XPO1: variants seen among roughly 807,000 people sequenced by gnomAD.
XPO1 encodes exportin 1, also known as exportin-1.
A neutral mutation model predicts 133.3 loss-of-function variants in XPO1; 5 were observed. The observed-to-expected ratio is 0.04, with a 90% CI of 0.02 to 0.08. The LOEUF (loss-of-function observed/expected upper bound fraction) is 0.08. XPO1 is among the 10% of genes least tolerant of loss of function. The probability of loss-of-function intolerance (pLI) is 1.00; values close to 1 mark genes in which losing one functional copy is unlikely to be tolerated. For missense variants in XPO1, 506 were observed against 1,267.5 expected (o/e 0.40, Z 9.12); for synonymous variants, 419 against 408.2 (o/e 1.03, Z -0.32).
intron 2 of XPO1, among the ~76,000 whole-genome samples, chr2:61,533,315 GGTTTAT>G (rs766382537): frequency 3.3e-5 from 5 of 152,028 alleles, no homozygotes; most frequent in Non-Finnish European, 7.4e-5. Flanking sequence ...ATCAAAATTT[GGTTTAT>G]GTTTAAGATA....
chr2:61,496,118 CCTTTAAATTTTT>C (rs1356961660), intron 10 of XPO1, among the ~76,000 whole-genome samples: 2 of 152,238 alleles, frequency 1.3e-5, no homozygotes, highest in East Asian at 3.9e-4. Flanking sequence ...GCTATCACAG[CCTTTAAATTTTT>C]CTAGTATTTC....
intron 6 of XPO1, 100 bp downstream of exon 6, chr2:61,501,896 C>G (rs898186287): frequency 1.0e-6 from 1 of 993,066 alleles, no homozygotes; most frequent in African/African-American, 1.6e-5. Flanking sequence ...ATCACTACTT[C>G]TGCAAAATAT....
intron 6 of XPO1, among the ~76,000 whole-genome samples, chr2:61,501,767 G>C (rs202165930): frequency 7.9e-6 from 1 of 126,972 alleles, no homozygotes; most frequent in African/African-American, 3.0e-5. Flanking sequence ...GAATCCAACA[G>C]AGTCCAGTCC....
intron 4 of XPO1, 129 bp downstream of exon 4, chr2:61,522,482 G>T: frequency 1.3e-6 from 1 of 758,778 alleles, no homozygotes; most frequent in African/African-American, 1.8e-5. Flanking sequence ...TTTGCTTCAT[G>T]ATAAAAGCAA....
chr2:61,495,676 TTTA>T, intron 10 of XPO1, 63 bp from the exon 11 acceptor site: 5 of 1,410,348 alleles, frequency 3.5e-6, no homozygotes, highest in South Asian at 1.6e-5. Flanking sequence ...CACTTAATAT[TTTA>T]TTATTATTTT....
intron 3 of XPO1, among the ~76,000 whole-genome samples, chr2:61,523,913 A>G (rs1164423702): frequency 1.3e-5 from 2 of 152,224 alleles, no homozygotes; most frequent in Non-Finnish European, 2.9e-5. Flanking sequence ...CTTTCAAAAT[A>G]AAAACAAGGC....
intron 2 of XPO1, among the ~76,000 whole-genome samples, chr2:61,526,961 G>A (rs954144514): frequency 2.0e-5 from 3 of 152,082 alleles, no homozygotes; most frequent in Admixed American, 6.6e-5. Flanking sequence ...GCCTGCCTTG[G>A]CCTCCCAAAG....
intron 3 of XPO1, among the ~76,000 whole-genome samples, chr2:61,523,389 A>G (rs1287404979): frequency 6.6e-6 from 1 of 152,264 alleles, no homozygotes; most frequent in African/African-American, 2.4e-5. Flanking sequence ...AAAAAATTAA[A>G]AAACAGAGAT....
rs377698842 is a variant in XPO1, at chr2:61,502,211, T to C, written c.363+38A>G. 3.4e-5 allele frequency: 55 copies of C among 1,600,162 alleles called. 2 individuals carry two copies. The Middle Eastern group carries it at 6.7e-4, about 19-fold the overall frequency. ...TAGTCAGACTCAATATCTAAATGAT[T>C]TTATGCTCTCCCAATAAGCTCCAAA... On this transcript the variant is annotated intron_variant, in intron 5 of 24. Coordinates refer to ENST00000401558, the MANE Select transcript of XPO1 (RefSeq NM_003400.4).
At chr2:61,507,796 T>C (rs1697901023) in intron 4 of XPO1, among the ~76,000 whole-genome samples, 1 of 152,050 alleles carries the variant, frequency 6.6e-6, no homozygotes. Context: ...GAGAAGTGCT[T>C]AAACCTGGGA....
Position 61,497,019 on chromosome 2 carries a change from G to T in XPO1, c.760-12C>A, listed in dbSNP as rs189361552. The T allele has an allele frequency of 1.7e-4, 279 of 1,598,328 alleles. No individual in the cohort carries two copies. The African/African-American group carries it at 3.3e-3, about 19-fold the overall frequency. ...GGAACATTCAGGAACTATTTAAAAG[G>T]GGGGAGGGAACCATAAAATTAATTG... On this transcript the variant is annotated splice_polypyrimidine_tract_variant and intron_variant, in intron 9 of 24. Transcript: ENST00000401558.
At chr2:61,499,348 G>C (rs1034552447) in intron 7 of XPO1, among the ~76,000 whole-genome samples, 1 of 152,152 alleles carries the variant, frequency 6.6e-6, no homozygotes, top group African/African-American at 2.4e-5. Context: ...AGGAGGTGGG[G>C]GTTGTGGTGA....
intron 24 of XPO1, 55 bp from the exon 25 acceptor site, chr2:61,479,021 A>G: frequency 6.3e-7 from 1 of 1,575,262 alleles, no homozygotes. Context: ...TTGCAAAGAA[A>G]GAAATCATAG....
At chr2:61,488,872 C>T (rs1354961567) in intron 17 of XPO1, 101 bp from the exon 18 acceptor site, 17 of 1,286,140 alleles carry the variant, frequency 1.3e-5, no homozygotes, top group Admixed American at 2.2e-5. Flanking sequence ...GAGGCCGAGG[C>T]GGGCGGATGA....
intron 4 of XPO1, among the ~76,000 whole-genome samples, chr2:61,511,313 G>A (rs780397232): frequency 6.6e-6 from 1 of 152,162 alleles, no homozygotes; most frequent in Non-Finnish European, 1.5e-5. Context: ...TTTTAGTAGA[G>A]ATGGGGTTTC....
At chr2:61,505,584 A>T (rs1697764273) in intron 4 of XPO1, among the ~76,000 whole-genome samples, 1 of 151,582 alleles carries the variant, frequency 6.6e-6, no homozygotes, top group African/African-American at 2.4e-5. Flanking sequence ...TTTTTGAGAC[A>T]GAGCCTCACT....
intron 20 of XPO1, 40 bp downstream of exon 20, chr2:61,485,728 C>T (rs746028454): frequency 2.0e-6 from 3 of 1,522,758 alleles, no homozygotes; most frequent in South Asian, 1.2e-5. Context: ...TAAGGCTATC[C>T]TGCAGAATTT....
chr2:61,519,722 A>AAC (rs1477946394), intron 4 of XPO1, among the ~76,000 whole-genome samples: 39 of 144,582 alleles, frequency 2.7e-4, no homozygotes, highest in Non-Finnish European at 4.6e-4. Context: ...AAAAAAAAAA[A>AAC]ACACCACGTA....
intron 3 of XPO1, among the ~76,000 whole-genome samples, chr2:61,523,716 G>C (rs754842064): frequency 2.6e-5 from 4 of 152,168 alleles, no homozygotes; most frequent in Non-Finnish European, 4.4e-5. Context: ...AGGAGCATTA[G>C]TATTTCAACC....
Sources: allele counts gnomAD v4.1 joint callset (sites outside exome capture counted in the v4.1 genomes callset), GRCh38; gene constraint gnomAD v4.1.1; transcripts MANE v1.5; gene names NCBI Gene and HGNC (gene_info 2026-07-23, HGNC 2026-07-21).